The following C16orf46 variants were observed in gnomAD, a reference collection of about 807,000 sequenced individuals.
C16orf46 encodes chromosome 16 open reading frame 46.
A neutral mutation model predicts 5.5 loss-of-function variants in C16orf46; 7 were observed. The ratio of observed to expected loss-of-function variants is 1.28; its 90% confidence interval spans 0.73 to 2.40. The LOEUF (loss-of-function observed/expected upper bound fraction) is 2.40, where lower values mean the gene tolerates loss of function less well. Ranked by LOEUF, C16orf46 falls within the 30% of genes most tolerant of loss-of-function variation. The pLI is 0.00. For missense variants in C16orf46, 614 were observed against 476.0 expected, an observed-to-expected ratio of 1.29 and a Z score of -2.70; for synonymous variants, 200 against 184.1, an observed-to-expected ratio of 1.09 and a Z score of -0.70.
intron 1 of C16orf46, among the ~76,000 whole-genome samples, chr16:81,071,148 C>G (rs187190753): frequency 1.1e-4 from 16 of 152,206 alleles, no homozygotes; most frequent in African/African-American, 3.9e-4. Context: ...AGACTCTGTA[C>G]AGCCCCACTA....
Position 81,062,053 on chromosome 16 carries a change from CA to C in C16orf46, c.295del (p.Cys99AlafsTer105). 6.2e-7 allele frequency: 1 copy of C among 1,613,096 alleles called. No homozygotes were observed. Among genetic ancestry groups the C allele is most frequent in the South Asian group, 1.1e-5 (1 of 91,084 alleles). ...PKKARVGEGA[C>X]SDCLVCVNLS... ...GTTAACACACACCAAGCAGTCGCTGCAGGCACCTTCCCCTACCCTCGCCTTT... is the reference window on the plus strand; with the variant it reads ...GTTAACACACACCAAGCAGTCGCTGCGGCACCTTCCCCTACCCTCGCCTTT... On this transcript the variant is annotated frameshift_variant, in exon 4 of 4. Coordinates refer to ENST00000299578, the MANE Select transcript of C16orf46 (RefSeq NM_152337.3). LOFTEE classifies it low-confidence loss of function (END_TRUNC).
chr16:81,061,101 AAGAG>A lies in C16orf46; in HGVS notation c.*56_*59del. 1 of 1,517,522 alleles carries A rather than the reference AAGAG, an allele frequency of 6.6e-7. No homozygotes were observed. Among genetic ancestry groups the A allele is most frequent in the Non-Finnish European group, 8.8e-7 (1 of 1,133,230 alleles). The allele number at this position is 1,517,522 out of a possible 1,614,324, so 94.0% of individuals were successfully genotyped here. A position where few individuals can be genotyped will look rare whatever the true frequency, so the allele number is the denominator to read the frequency against. ...GGTGGGTGGGAAATGAGAGAGAAGA[AAGAG>A]AAAGGATGGCTGCATCTCAAACGGT... On this transcript the variant is annotated 3_prime_UTR_variant, in exon 4 of 4. Transcript: ENST00000299578.
chr16:81,061,897 C>T lies in C16orf46; in HGVS notation c.452G>A (p.Cys151Tyr). 6.2e-7 allele frequency: 1 copy of T among 1,614,198 alleles called. No homozygotes were observed. Among genetic ancestry groups the T allele is most frequent in the Non-Finnish European group, 8.5e-7 (1 of 1,180,042 alleles). The part of the protein sequence containing the change: ...STASRAISDI[C>Y]FPTYFRAEKK... ...CTCTGCTCGAAAGTAGGTGGGAAAG[C>T]AGATGTCGCTAATTGCCCTGGAAGC... The change falls in exon 4 of 4, where the codon TGC (cysteine) becomes TAC (tyrosine). Residue 151 changes from cysteine to tyrosine, a missense_variant. Physicochemically the swap from Cys to Tyr is radical, Grantham distance 194. Coordinates refer to ENST00000299578, the MANE Select transcript of C16orf46 (RefSeq NM_152337.3).
intron 1 of C16orf46, among the ~76,000 whole-genome samples, chr16:81,074,448 G>T (rs995928012): frequency 1.3e-5 from 2 of 151,854 alleles, no homozygotes; most frequent in African/African-American, 4.8e-5. Flanking sequence ...ACAGTGGTAT[G>T]ATCTCAGCTC....
chr16:81,062,636 G>C (rs1416288727), intron 3 of C16orf46, among the ~76,000 whole-genome samples: 3 of 152,244 alleles, frequency 2.0e-5, no homozygotes, highest in African/African-American at 7.2e-5. Context: ...AGGCTGGAGG[G>C]AGACCGAGGA....
intron 2 of C16orf46, among the ~76,000 whole-genome samples, chr16:81,064,445 T>C (rs1481643777): frequency 1.3e-5 from 2 of 151,684 alleles, no homozygotes; most frequent in African/African-American, 4.8e-5. Context: ...TGCCAACCAC[T>C]GGCACTATGA....
chr16:81,068,847 G>A (rs567271108), intron 1 of C16orf46, among the ~76,000 whole-genome samples: 7 of 151,976 alleles, frequency 4.6e-5, no homozygotes, highest in South Asian at 2.1e-4. Context: ...GATTCCAGGC[G>A]CATGCCACCA....
intron 1 of C16orf46, among the ~76,000 whole-genome samples, chr16:81,069,030 A>G (rs1971752655): frequency 6.6e-6 from 1 of 152,162 alleles, no homozygotes; most frequent in Non-Finnish European, 1.5e-5. Context: ...TAAAGAAGGT[A>G]ATAACGTGGC....
At chr16:81,059,421 C>T (rs771863107), downstream of C16orf46, among the ~76,000 whole-genome samples, 4 of 151,248 alleles carry the variant, frequency 2.6e-5, no homozygotes, top group Non-Finnish European at 4.4e-5. Flanking sequence ...ATTCTGTCTA[C>T]TCCATCGTTT....
At chr16:81,062,807 A>G (rs910137763) in intron 3 of C16orf46, among the ~76,000 whole-genome samples, 2 of 152,070 alleles carry the variant, frequency 1.3e-5, no homozygotes, top group Non-Finnish European at 2.9e-5. Context: ...ACTTATACTG[A>G]TAAATTAGGT....
chr16:81,070,964 T>C (rs1208245780), intron 1 of C16orf46, among the ~76,000 whole-genome samples: 1 of 152,214 alleles, frequency 6.6e-6, no homozygotes, highest in African/African-American at 2.4e-5. Context: ...TCTTCTTCTG[T>C]ATGGGAGAAT....
At chr16:81,054,060 T>C (rs1325931996) in exon 4 of C16orf46, 1 of 1,610,954 alleles carries the variant, frequency 6.2e-7, no homozygotes. Flanking sequence ...AATGTGAAAC[T>C]GATCCCTCTC....
At chr16:81,075,881 A>C (rs1972022218) in intron 1 of C16orf46, among the ~76,000 whole-genome samples, 1 of 152,210 alleles carries the variant, frequency 6.6e-6, no homozygotes. Flanking sequence ...AGTCAAACGC[A>C]AGCTGTTTAT....
chr16:81,076,553 G>A (rs1026727696), intron 1 of C16orf46: 9 of 152,112 alleles, frequency 5.9e-5, no homozygotes, highest in African/African-American at 2.2e-4. Flanking sequence ...TCACATTAAT[G>A]AATTCACTAA....
intron 1 of C16orf46, among the ~76,000 whole-genome samples, chr16:81,067,801 T>C (rs1276130147): frequency 6.6e-6 from 1 of 152,056 alleles, no homozygotes; most frequent in Non-Finnish European, 1.5e-5. Context: ...GATCCACCCA[T>C]CTCAGCCTCC....
chr16:81,053,947 A>AGCGTTTGACTCTCTGCTTTCTGGT (rs1191654819), exon 4 of C16orf46: 1 of 986,872 alleles, frequency 1.0e-6, no homozygotes, highest in Non-Finnish European at 1.6e-6. Context: ...TTCTGCTTGC[A>AGCGTTTGACTCTCTGCTTTCTGGT]GCGTTTGACT....
chr16:81,061,596 A>G lies in C16orf46; in HGVS notation c.753T>C (p.Tyr251=), dbSNP rs761061877. ...CATCTGCTGTTTTCAAGCCATATGC[A>G]TAAGCCACACACCCATCCTTTTCCA... is the stretch of plus-strand genomic sequence containing the variant. The part of the protein sequence containing the change: ...LDVEKDGCVA[Y]AYGLKTADGK... Residue 251 remains tyrosine (Y), a synonymous_variant, in exon 4 of 4, where the codon TAT becomes TAC. Coordinates refer to ENST00000299578, the MANE Select transcript of C16orf46 (RefSeq NM_152337.3). 2.5e-6 allele frequency: 4 copies of G among 1,614,038 alleles called. No homozygotes were observed. The highest frequency in any genetic ancestry group is 1.3e-5 in the African/African-American group (1 of 74,938).
intron 2 of C16orf46, among the ~76,000 whole-genome samples, chr16:81,064,423 G>A (rs1045168537): frequency 1.3e-5 from 2 of 151,456 alleles, no homozygotes; most frequent in Non-Finnish European, 2.9e-5. Context: ...CAAATATTAC[G>A]CAACTATCCA....
At chr16:81,053,895 T>G (rs1597131900) in exon 4 of C16orf46, 5 of 610,384 alleles carry the variant, frequency 8.2e-6, no homozygotes. Context: ...CCATGGCAGG[T>G]GTAAATAAGA....
Sources: allele counts gnomAD v4.1 joint callset (sites outside exome capture counted in the v4.1 genomes callset), GRCh38; gene constraint gnomAD v4.1.1; transcripts MANE v1.5; gene names NCBI Gene and HGNC (gene_info 2026-07-23, HGNC 2026-07-21).